PACS1: variants seen among roughly 807,000 people sequenced by gnomAD.
The protein encoded by PACS1 is PACS-1.
PACS1 carries 24 observed loss-of-function variants against 115.0 expected under a neutral mutation model. The observed-to-expected ratio is 0.21, with a 90% CI of 0.15 to 0.29. PACS1 has a LOEUF of 0.29. Among genes scored for constraint, PACS1 ranks in the 10% least tolerant of loss-of-function variants. The probability of loss-of-function intolerance (pLI) is 1.00; values close to 1 mark genes in which losing one functional copy is unlikely to be tolerated. For missense variants in PACS1, 838 were observed against 1,251.2 expected (o/e 0.67, Z 4.98); for synonymous variants, 453 against 504.5 (o/e 0.90, Z 1.37).
At chr11:66,201,734 A>G (rs909927598) in intron 2 of PACS1, among the ~76,000 whole-genome samples, 2 of 149,794 alleles carry the variant, frequency 1.3e-5, no homozygotes, top group Non-Finnish European at 3.0e-5. Context: ...ATCTCAGCTC[A>G]TTGCAACCTC....
chr11:66,128,833 G>A (rs1056482697), intron 1 of PACS1, among the ~76,000 whole-genome samples: 7 of 151,000 alleles, frequency 4.6e-5, no homozygotes, highest in Admixed American at 2.6e-4. Context: ...GCAGTGAGCC[G>A]AGATCGTGCC....
chr11:66,225,041 T>G (rs1855444303), intron 10 of PACS1, among the ~76,000 whole-genome samples: 1 of 152,222 alleles, frequency 6.6e-6, no homozygotes, highest in Non-Finnish European at 1.5e-5. Flanking sequence ...TCCAAGCTGA[T>G]AACAATGAGC....
chr11:66,147,710 G>A (rs1408211417), intron 1 of PACS1, among the ~76,000 whole-genome samples: 1 of 152,158 alleles, frequency 6.6e-6, no homozygotes, highest in Non-Finnish European at 1.5e-5. Flanking sequence ...TGGAGGCTGG[G>A]AAGGTTAGGG....
intron 1 of PACS1, among the ~76,000 whole-genome samples, chr11:66,159,232 GT>G (rs1306808093): frequency 6.6e-6 from 1 of 152,172 alleles, no homozygotes; most frequent in Non-Finnish European, 1.5e-5. Flanking sequence ...GAAGTCGGGA[GT>G]TCGAGACCAG....
intron 1 of PACS1, among the ~76,000 whole-genome samples, chr11:66,080,444 A>AG (rs1857461247): frequency 6.6e-6 from 1 of 152,250 alleles, no homozygotes; most frequent in South Asian, 2.1e-4. Flanking sequence ...TGTCTTGGTG[A>AG]GGGAGGGCCT....
intron 1 of PACS1, among the ~76,000 whole-genome samples, chr11:66,163,051 A>G (rs1265307729): frequency 6.6e-6 from 1 of 152,156 alleles, no homozygotes; most frequent in Non-Finnish European, 1.5e-5. Context: ...GTTTCTCCTT[A>G]AAAATAGTTA....
At chr11:66,203,500 A>G (rs1854864573) in intron 2 of PACS1, among the ~76,000 whole-genome samples, 2 of 152,158 alleles carry the variant, frequency 1.3e-5, no homozygotes, top group Non-Finnish European at 2.9e-5. Flanking sequence ...TAGAAAAAAA[A>G]AATCCTAAAA....
intron 5 of PACS1, 107 bp from the exon 6 acceptor site, chr11:66,216,413 C>T (rs947692197): frequency 2.5e-5 from 35 of 1,413,820 alleles, no homozygotes; most frequent in Non-Finnish European, 2.2e-5. Context: ...CTCCCCTCCA[C>T]CCTGGCTGTG....
chr11:66,241,592 G>A lies in PACS1; in HGVS notation c.2595G>A (p.Gly865=), dbSNP rs1855816353. Residue 865 remains glycine (G), a synonymous_variant, in exon 22 of 24, where the codon GGG becomes GGA. Coordinates refer to ENST00000320580, the MANE Select transcript of PACS1 (RefSeq NM_018026.4). ...SVQVSRLPHS[G]EAQLSGTMAM... ...AGGTGTCCCGCCTGCCCCATAGTGG[G>A]GAGGCCCAGCTTTCTGGCACCATGG... 4 of 1,614,178 alleles carry A rather than the reference G, an allele frequency of 2.5e-6. No individual in the cohort carries two copies. The East Asian group carries it at 6.7e-5, about 27-fold the overall frequency.
intron 1 of PACS1, among the ~76,000 whole-genome samples, chr11:66,097,979 A>G (rs1039159672): frequency 1.3e-5 from 2 of 152,148 alleles, no homozygotes; most frequent in Non-Finnish European, 2.9e-5. Context: ...GGAGTTTGAG[A>G]CCACCCTGGC....
chr11:66,160,780 C>G (rs1859470168), intron 1 of PACS1, among the ~76,000 whole-genome samples: 1 of 151,672 alleles, frequency 6.6e-6, no homozygotes, highest in Admixed American at 6.6e-5. Context: ...CCTCGGCCTC[C>G]CAAAGTGCTG....
chr11:66,188,582 A>G (rs1854441551), intron 1 of PACS1, among the ~76,000 whole-genome samples: 1 of 152,170 alleles, frequency 6.6e-6, no homozygotes, highest in Non-Finnish European at 1.5e-5. Flanking sequence ...CAATTAAAGC[A>G]GGAGTGTCAT....
chr11:66,184,075 C>T (rs746686647), intron 1 of PACS1, among the ~76,000 whole-genome samples: 19 of 152,076 alleles, frequency 1.2e-4, no homozygotes, highest in Non-Finnish European at 1.8e-4. Context: ...GTTTTTATTT[C>T]ATCCAGATCT....
At chr11:66,188,540 T>C (rs184093808) in intron 1 of PACS1, among the ~76,000 whole-genome samples, 1 of 152,358 alleles carries the variant, frequency 6.6e-6, no homozygotes, top group Admixed American at 6.5e-5. Flanking sequence ...TTTATAATTT[T>C]GCTGTAAAAT....
chr11:66,168,433 T>G (rs1859657940), intron 1 of PACS1, among the ~76,000 whole-genome samples: 1 of 150,396 alleles, frequency 6.6e-6, no homozygotes, highest in Admixed American at 6.6e-5. Context: ...CGAGACAGTG[T>G]AGAGACAGCG....
intron 7 of PACS1, chr11:66,218,206 C>G (rs1387442718): frequency 6.6e-6 from 1 of 152,206 alleles, no homozygotes; most frequent in Non-Finnish European, 1.5e-5. Context: ...TGCCCTTTCT[C>G]TGAAGACCTA....
intron 1 of PACS1, among the ~76,000 whole-genome samples, chr11:66,075,060 A>T (rs928223977): frequency 6.9e-6 from 1 of 145,946 alleles, no homozygotes. Context: ...CTCCTGCCTC[A>T]GCCTCCCGAG....
At chr11:66,098,150 T>A (rs1355451534) in intron 1 of PACS1, among the ~76,000 whole-genome samples, 1 of 152,172 alleles carries the variant, frequency 6.6e-6, no homozygotes, top group Non-Finnish European at 1.5e-5. Flanking sequence ...ACACTCCAGC[T>A]TGGGCTACAG....
chr11:66,211,029 T>A, intron 3 of PACS1, 105 bp from the exon 4 acceptor site: 30 of 1,352,970 alleles, frequency 2.2e-5, no homozygotes, highest in Non-Finnish European at 3.1e-5. Flanking sequence ...TGCCCCCTTT[T>A]AGAGACAGGA....
Sources: allele counts gnomAD v4.1 joint callset (sites outside exome capture counted in the v4.1 genomes callset), GRCh38; gene constraint gnomAD v4.1.1; transcripts MANE v1.5; gene names NCBI Gene and HGNC (gene_info 2026-07-23, HGNC 2026-07-21).